The following PLXNB1 variants were observed in gnomAD, a reference collection of about 807,000 sequenced individuals.
PLXNB1 encodes plexin B1.
In PLXNB1, 106 loss-of-function variants were observed where a neutral mutation model predicts 209.4. The observed-to-expected ratio is 0.51, with a 90% confidence interval of 0.43 to 0.59. The LOEUF (loss-of-function observed/expected upper bound fraction) is 0.59, where lower values mean the gene tolerates loss of function less well. Among genes scored for constraint, PLXNB1 ranks in the 20% least tolerant of loss-of-function variants. The pLI, the probability that PLXNB1 is intolerant of heterozygous loss-of-function variation, is 0.00. For synonymous variants in PLXNB1, 1,167 were observed against 1,183.2 expected, an observed-to-expected ratio of 0.99 and a Z score of 0.28; for missense variants, 2,357 against 2,853.2, an observed-to-expected ratio of 0.83 and a Z score of 3.96.
chr3:48,428,615 G>A (rs1172377584), intron 1 of PLXNB1, among the ~76,000 whole-genome samples: 1 of 152,276 alleles, frequency 6.6e-6, no homozygotes. Context: ...CGGCCTTCCC[G>A]TTTCACCCTC....
In PLXNB1 at chr3:48,410,887, G is replaced by T; in HGVS notation, c.5397C>A (p.Asp1799Glu). 1 of 1,612,278 alleles carries T rather than the reference G, an allele frequency of 6.2e-7. No homozygotes were observed. Among genetic ancestry groups the T allele is most frequent in the Non-Finnish European group, 8.5e-7 (1 of 1,179,266 alleles). The change falls in exon 29 of 38, where the codon GAC (aspartate) becomes GAA (glutamate). Residue 1799 changes from aspartate to glutamate, a missense_variant. Transcript: ENST00000296440. The surrounding 1 kb of genome is among the most constrained non-coding windows in gnomAD (Gnocchi z 6.4). ...CCTCACCAACATCAAGGGTGCGAGGGTCTGGCCGCTGGGTGAGAGGCACTC... is the reference window on the plus strand; with the variant it reads ...CCTCACCAACATCAAGGGTGCGAGGTTCTGGCCGCTGGGTGAGAGGCACTC... ...YKGVPLTQRP[D>E]PRTLDVEWRS...
At chr3:48,422,676 T>A in intron 4 of PLXNB1, 89 bp downstream of exon 4, 1 of 1,417,846 alleles carries the variant, frequency 7.1e-7, no homozygotes, top group Non-Finnish European at 9.7e-7. Context: ...GGCCCAGGGG[T>A]CACAGGGATA....
chr3:48,415,950 C>G lies in PLXNB1; in HGVS notation c.3617+81G>C, dbSNP rs1419868008. The G allele has an allele frequency of 1.3e-6, 2 of 1,493,060 alleles. No homozygotes were observed. Among genetic ancestry groups the G allele is most frequent in the Non-Finnish European group, 1.8e-6 (2 of 1,104,862 alleles). 92.5% of individuals were successfully genotyped at this position (1,493,060 alleles called of 1,614,324 possible). A position where few individuals can be genotyped will look rare whatever the true frequency, so the allele number is the denominator to read the frequency against. On this transcript the variant is annotated intron_variant, in intron 18 of 37. Transcript: ENST00000296440. The surrounding 1 kb of genome is among the most constrained non-coding windows in gnomAD (Gnocchi z 5.0). ...GAGCAGACTGGCCCTCTTCCCCTTT[C>G]TGCTCTCCCCAGGATCTCAGACCCC...
chr3:48,430,304 C>T (rs1048046191), upstream of PLXNB1, among the ~76,000 whole-genome samples: 1 of 152,244 alleles, frequency 6.6e-6, no homozygotes, highest in East Asian at 1.9e-4. Flanking sequence ...CAAGGGCTCA[C>T]TTCCTTCCTT....
chr3:48,419,434 G>T lies in PLXNB1; in HGVS notation c.2710-68C>A. On this transcript the variant is annotated intron_variant, in intron 11 of 37. Coordinates refer to ENST00000296440, the MANE Select transcript of PLXNB1 (RefSeq NM_001130082.3). The surrounding 1 kb of genome is among the most constrained non-coding windows in gnomAD (Gnocchi z 5.7). ...CCCAGCTCAGCCCTCTGCCTTGCCA[G>T]ATTCCAGAGGCAAGGCCGGTGTGGG... 2 of 1,512,104 alleles carry T rather than the reference G, an allele frequency of 1.3e-6. No homozygotes were observed. The highest frequency in any genetic ancestry group is 8.9e-7 in the Non-Finnish European group (1 of 1,126,786). The allele number at this position is 1,512,104 out of a possible 1,614,324, so 93.7% of individuals were successfully genotyped here. A position where few individuals can be genotyped will look rare whatever the true frequency, so the allele number is the denominator to read the frequency against.
Position 48,415,806 on chromosome 3 carries a change from C to T in PLXNB1, c.3618-47G>A. 7.3e-6 allele frequency: 11 copies of T among 1,509,810 alleles called. No homozygotes were observed. The highest frequency in any genetic ancestry group is 9.8e-6 in the Non-Finnish European group (11 of 1,119,430). 93.5% of individuals were successfully genotyped at this position (1,509,810 alleles called of 1,614,324 possible). On this transcript the variant is annotated intron_variant, in intron 18 of 37. Transcript: ENST00000296440. This position sits in a 1 kb window ranked among gnomAD's most constrained non-coding sequence, Gnocchi z 5.0. Reference sequence around the variant, plus strand: ...AATGCAGGGGCGCAGGCAGGGAAAACTTGGACCACTCAGGCCCCAACTGGC... The same window carrying T: ...AATGCAGGGGCGCAGGCAGGGAAAATTTGGACCACTCAGGCCCCAACTGGC...
intron 3 of PLXNB1, 30 bp downstream of exon 3, chr3:48,423,475 G>A: frequency 6.3e-7 from 1 of 1,596,398 alleles, no homozygotes. Flanking sequence ...CCTCAGAGAG[G>A]CGGAAAAGTG....
In PLXNB1 at chr3:48,410,077, C is replaced by A. The variant is rs771981032; in HGVS notation, c.5606G>T (p.Arg1869Leu). 3.2e-6 allele frequency: 5 copies of A among 1,579,686 alleles called. No individual in the cohort carries two copies. The South Asian group carries it at 5.7e-5, about 18-fold the overall frequency. ...ATCTACATCCTCCAGCATTGGGGTC[C>A]CTGTGCCAAGAGCCCACAGCTGTCA... ...RENQDYVPGE[R>L]TPMLEDVDEG... The change falls in exon 32 of 38, where the codon CGG becomes CTG. Residue 1869 changes from arginine (R) to leucine (L), a missense_variant and splice_region_variant. By Grantham distance (102) the Arg-to-Leu change is moderately radical. Around this residue, in one of 7 missense-constraint regions of PLXNB1, gnomAD observed 414 missense variants for 520.5 expected, o/e 0.80. Transcript: ENST00000296440. This position sits in a 1 kb window ranked among gnomAD's most constrained non-coding sequence, Gnocchi z 6.4.
chr3:48,421,216 T>C lies in PLXNB1; in HGVS notation c.1810+12A>G. 1 of 1,612,098 alleles carries C rather than the reference T, an allele frequency of 6.2e-7. No individual in the cohort carries two copies. Among genetic ancestry groups the C allele is most frequent in the Non-Finnish European group, 8.5e-7 (1 of 1,179,226 alleles). ...GCTGGCCCCCACCAGGCTGGCCCATTCTCTCACCCACCGGCTCCTCTCGGC... is the reference window on the plus strand; with the variant it reads ...GCTGGCCCCCACCAGGCTGGCCCATCCTCTCACCCACCGGCTCCTCTCGGC... On this transcript the variant is annotated intron_variant, in intron 8 of 37. Transcript: ENST00000296440.
rs571032100 is a variant in PLXNB1 at position 48,406,021 on chromosome 3, T to C, written c.6229-223A>G. The C allele has an allele frequency of 1.4e-4, 67 of 482,990 alleles. No homozygotes were observed. The highest frequency in any genetic ancestry group is 1.1e-3 in the African/African-American group (58 of 50,864). The allele number at this position is 482,990 out of a possible 1,614,324, so 29.9% of individuals were successfully genotyped here. A position where few individuals can be genotyped will look rare whatever the true frequency, so the allele number is the denominator to read the frequency against. ...GGGTAGAGCAAGGGGGCCTCCTTGG[T>C]AGGAAGACAGCCCAGGTCTACCTGC... On this transcript the variant is annotated intron_variant, in intron 36 of 37. Transcript: ENST00000296440. This position sits in a 1 kb window ranked among gnomAD's most constrained non-coding sequence, Gnocchi z 4.4.
rs769352156 is a variant in PLXNB1, at chr3:48,418,873, C to G, written c.2955+44G>C. The G allele has an allele frequency of 2.0e-5, 33 of 1,610,946 alleles. 1 individual carries two copies. The highest frequency in any genetic ancestry group is 3.4e-4 in the Middle Eastern group (2 of 5,894). ...CTACAGTTGGCAGCCAGCCTGTGGC[C>G]AGTGCAGTGCACCCGTGCCCACCCA... is the stretch of plus-strand genomic sequence containing the variant. On this transcript the variant is annotated intron_variant, in intron 13 of 37. Transcript: ENST00000296440. The surrounding 1 kb of genome is among the most constrained non-coding windows in gnomAD (Gnocchi z 6.6).
Position 48,413,822 on chromosome 3 carries a change from T to C in PLXNB1, c.4387-4A>G, listed in dbSNP as rs1347027725. On this transcript the variant is annotated splice_polypyrimidine_tract_variant and splice_region_variant and intron_variant, in intron 22 of 37. Coordinates refer to ENST00000296440, the MANE Select transcript of PLXNB1 (RefSeq NM_001130082.3). This position sits in a 1 kb window ranked among gnomAD's most constrained non-coding sequence, Gnocchi z 5.4. ...AGCGCAAGTTCCCCATCTGCACCTG[T>C]GTCAGGAGCCACCTGTGAGCAAGGG... 1.2e-6 allele frequency: 2 copies of C among 1,612,568 alleles called. No homozygotes were observed. The highest frequency in any genetic ancestry group is 1.7e-6 in the Non-Finnish European group (2 of 1,179,086).
At position 48,404,309 on chromosome 3, in the gene PLXNB1, G is replaced by A. The variant is rs144856396; in HGVS notation, c.*177C>T. 123 of 581,340 alleles carry A rather than the reference G, an allele frequency of 2.1e-4. No individual in the cohort carries two copies. Among genetic ancestry groups the A allele is most frequent in the Non-Finnish European group, 3.1e-4 (103 of 327,536 alleles). The allele number at this position is 581,340 out of a possible 1,614,324, so 36.0% of individuals were successfully genotyped here. On this transcript the variant is annotated 3_prime_UTR_variant, in exon 38 of 38. Coordinates refer to ENST00000296440, the MANE Select transcript of PLXNB1 (RefSeq NM_001130082.3). ...ACTACCCCATGAGCCTTGAGGCCCC[G>A]GGTCTAGGAGGTGGATCCAGCAGGG... is the stretch of plus-strand genomic sequence containing the variant.
chr3:48,411,083 T>A lies in PLXNB1; in HGVS notation c.5248-47A>T. 2 of 1,554,124 alleles carry A rather than the reference T, an allele frequency of 1.3e-6. No individual in the cohort carries two copies. Among genetic ancestry groups the A allele is most frequent in the South Asian group, 1.2e-5 (1 of 86,108 alleles). On this transcript the variant is annotated intron_variant, in intron 28 of 37. Coordinates refer to ENST00000296440, the MANE Select transcript of PLXNB1 (RefSeq NM_001130082.3). The surrounding 1 kb of genome is among the most constrained non-coding windows in gnomAD (Gnocchi z 4.0). ...CATCAGGGTTCATGTGCACTCAGGA[T>A]GACCAAGACACAGGCCAAGGGCAGA...
In PLXNB1 at chr3:48,413,939, G is replaced by T. The variant is rs1368868840; in HGVS notation, c.4342C>A (p.His1448Asn). Reference sequence around the variant, plus strand: ...TCAGGTGCCTCTCGGAGGGCATGGTGCCGTGGCAGGGGCTGCTCCACGGGG... The same window carrying T: ...TCAGGTGCCTCTCGGAGGGCATGGTTCCGTGGCAGGGGCTGCTCCACGGGG... ...EPPVEQPLPRHHALREAPDSL... is the reference protein window; with the variant it reads ...EPPVEQPLPRNHALREAPDSL... Residue 1448 changes from histidine to asparagine, a missense_variant, in exon 22 of 38, where the codon CAC becomes AAC. By Grantham distance (68) the His-to-Asn change is moderately conservative. Around this residue, in one of 7 missense-constraint regions of PLXNB1, gnomAD observed 743 missense variants for 896.2 expected, o/e 0.83. Coordinates refer to ENST00000296440, the MANE Select transcript of PLXNB1 (RefSeq NM_001130082.3). The surrounding 1 kb of genome is among the most constrained non-coding windows in gnomAD (Gnocchi z 5.4). 8.7e-6 allele frequency: 14 copies of T among 1,612,820 alleles called. No homozygotes were observed. Among genetic ancestry groups the T allele is most frequent in the Non-Finnish European group, 1.2e-5 (14 of 1,179,524 alleles).
Position 48,410,064 on chromosome 3 carries a change from C to T in PLXNB1, c.5619G>A (p.Leu1873=). ...DYVPGERTPM[L]EDVDEGGIRP... is the part of the protein sequence containing the mutation. ...GGATGCCCCCCTCATCTACATCCTC[C>T]AGCATTGGGGTCCCTGTGCCAAGAG... Residue 1873 remains leucine, a synonymous_variant, in exon 32 of 38, where the codon CTG becomes CTA. Coordinates refer to ENST00000296440, the MANE Select transcript of PLXNB1 (RefSeq NM_001130082.3). The surrounding 1 kb of genome is among the most constrained non-coding windows in gnomAD (Gnocchi z 6.4). 6.3e-7 allele frequency: 1 copy of T among 1,594,434 alleles called. No individual in the cohort carries two copies. The highest frequency in any genetic ancestry group is 1.1e-5 in the South Asian group (1 of 89,174).
rs139674900 is a variant in PLXNB1, at chr3:48,418,321, C to A, written c.3092G>T (p.Arg1031Leu). ...DCSVGHGDCS[R>L]CQTAMPQYGC... The stretch of plus-strand genomic sequence containing the variant: ...ATACTGGGGCATGGCAGTTTGGCAG[C>A]GGCTGCAGTCTCCATGTCCCACGGA... Residue 1031 changes from arginine to leucine, a missense_variant, in exon 15 of 38, where the codon CGC (arginine) becomes CTC (leucine). Physicochemically the swap from Arg to Leu is moderately radical, Grantham distance 102. Coordinates refer to ENST00000296440, the MANE Select transcript of PLXNB1 (RefSeq NM_001130082.3). The surrounding 1 kb of genome is among the most constrained non-coding windows in gnomAD (Gnocchi z 6.6). 6.2e-7 allele frequency: 1 copy of A among 1,613,668 alleles called. No homozygotes were observed.
Position 48,415,841 on chromosome 3 carries a change from G to A in PLXNB1, c.3618-82C>T. ...TCAGGCCCCAACTGGCTTCCCTCAA[G>A]CGCTGACTGCAGTCTCCACCAGGTG... On this transcript the variant is annotated intron_variant, in intron 18 of 37. Transcript: ENST00000296440. The surrounding 1 kb of genome is among the most constrained non-coding windows in gnomAD (Gnocchi z 5.0). The A allele has an allele frequency of 7.1e-7, 1 of 1,408,644 alleles. No homozygotes were observed. Among genetic ancestry groups the A allele is most frequent in the Admixed American group, 2.1e-5 (1 of 47,458 alleles). 87.3% of individuals were successfully genotyped at this position (1,408,644 alleles called of 1,614,324 possible). A position where few individuals can be genotyped will look rare whatever the true frequency, so the allele number is the denominator to read the frequency against.
chr3:48,421,882 C>T, intron 6 of PLXNB1, 76 bp from the exon 7 acceptor site: 1 of 1,535,802 alleles, frequency 6.5e-7, no homozygotes, highest in Non-Finnish European at 8.8e-7. Flanking sequence ...CTCCTACAAT[C>T]TGGAGGACCT....
Sources: allele counts gnomAD v4.1 joint callset (sites outside exome capture counted in the v4.1 genomes callset), GRCh38; gene constraint gnomAD v4.1.1; regional missense constraint gnomAD v4.1.1; non-coding constraint Gnocchi (gnomAD v3.1); transcripts MANE v1.5; gene names NCBI Gene and HGNC (gene_info 2026-07-23, HGNC 2026-07-21).